Variants in PPP1R21 observed in about 807,000 individuals in gnomAD.
PPP1R21 encodes protein phosphatase 1 regulatory subunit 21.
In PPP1R21, 85 loss-of-function variants were observed where a neutral mutation model predicts 112.8. The observed-to-expected ratio is 0.75, with a 90% confidence interval of 0.63 to 0.90. The LOEUF (loss-of-function observed/expected upper bound fraction) is 0.90. Ranked by LOEUF, PPP1R21 falls within the 40% of genes least tolerant of loss-of-function variation. The probability of loss-of-function intolerance (pLI) is 0.00; values close to 1 mark genes in which losing one functional copy is unlikely to be tolerated. For missense variants in PPP1R21, 1,199 were observed against 901.5 expected (o/e 1.33, Z -4.23); for synonymous variants, 381 against 322.3 (o/e 1.18, Z -1.95).
At chr2:48,503,000 T>A (rs991893740) in intron 17 of PPP1R21, among the ~76,000 whole-genome samples, 1 of 152,150 alleles carries the variant, frequency 6.6e-6, no homozygotes, top group Non-Finnish European at 1.5e-5. Context: ...TTTCTAACTC[T>A]GTAACATTTC....
At chr2:48,468,225 G>A (rs564683356) in intron 9 of PPP1R21, among the ~76,000 whole-genome samples, 1 of 152,286 alleles carries the variant, frequency 6.6e-6, no homozygotes, top group South Asian at 2.1e-4. Flanking sequence ...GATAATACAT[G>A]TAAAGCACTA....
At position 48,469,365 on chromosome 2, in the gene PPP1R21, CATAT is replaced by C. The variant is rs1348186030; in HGVS notation, c.898-1712_898-1709del. On this transcript the variant is annotated intron_variant, in intron 9 of 21. Coordinates refer to ENST00000294952, the MANE Select transcript of PPP1R21 (RefSeq NM_001135629.3). ...ATATATATAGCATATATATATAGAG[CATAT>C]ATATATATAGCATATATATATAGAG... Among the ~76,000 whole-genome samples the C allele has an allele frequency of 5.8e-3, 216 of 37,260 alleles. 11 individuals carry two copies. Among genetic ancestry groups the C allele is most frequent in the Middle Eastern group, 0.029 (2 of 68 alleles). 24.4% of individuals were successfully genotyped at this position (37,260 alleles called of 152,430 possible).
At chr2:48,473,359 C>T (rs1668609378) in intron 11 of PPP1R21, among the ~76,000 whole-genome samples, 1 of 152,048 alleles carries the variant, frequency 6.6e-6, no homozygotes, top group African/African-American at 2.4e-5. Context: ...TTTGATTTGG[C>T]TTATGTTTAA....
chr2:48,506,944 CAAA>C (rs11314362), intron 18 of PPP1R21, among the ~76,000 whole-genome samples: 21 of 96,432 alleles, frequency 2.2e-4, no homozygotes, highest in African/African-American at 2.8e-4. Context: ...GACTCTGCCT[CAAA>C]AAAAAAAAAA....
intron 7 of PPP1R21, among the ~76,000 whole-genome samples, chr2:48,464,130 A>C (rs1245041501): frequency 6.6e-6 from 1 of 152,206 alleles, no homozygotes; most frequent in Non-Finnish European, 1.5e-5. Context: ...GAAGCAAAAC[A>C]AGCAAGGCTG....
At position 48,511,472 on chromosome 2, in the gene PPP1R21, TGTGAG is replaced by T. The variant is rs1272026696; in HGVS notation, c.2313+17_2313+21del. On this transcript the variant is annotated splice_donor_5th_base_variant and intron_variant, in intron 21 of 21. Coordinates refer to ENST00000294952, the MANE Select transcript of PPP1R21 (RefSeq NM_001135629.3). Reference sequence around the variant, plus strand: ...CACACTAAAGATGTCCAGTAAGGTATGTGAGGTGAGGTGAGGTAGTCTCTCTGCAA... The same window carrying T: ...CACACTAAAGATGTCCAGTAAGGTATGTGAGGTGAGGTAGTCTCTCTGCAA... The T allele has an allele frequency of 3.1e-6, 5 of 1,611,810 alleles. No homozygotes were observed. The highest frequency in any genetic ancestry group is 4.2e-6 in the Non-Finnish European group (5 of 1,179,410).
At chr2:48,474,089 A>G (rs1489283677) in intron 11 of PPP1R21, among the ~76,000 whole-genome samples, 1 of 152,210 alleles carries the variant, frequency 6.6e-6, no homozygotes, top group Non-Finnish European at 1.5e-5. Flanking sequence ...CATTTAGAAT[A>G]TTTAAAAATA....
At chr2:48,452,575 A>G (rs1160074545) in intron 2 of PPP1R21, among the ~76,000 whole-genome samples, 1 of 151,002 alleles carries the variant, frequency 6.6e-6, no homozygotes, top group Non-Finnish European at 1.5e-5. Context: ...TTTACTGTTT[A>G]TTACAGTAGT....
At chr2:48,486,567 G>T (rs1027902270) in intron 13 of PPP1R21, 64 bp from the exon 14 acceptor site, 1 of 1,243,130 alleles carries the variant, frequency 8.0e-7, no homozygotes, top group African/African-American at 1.5e-5. Context: ...AAGTGAATGG[G>T]CTGGTTATCT....
intron 2 of PPP1R21, among the ~76,000 whole-genome samples, chr2:48,453,587 T>G (rs1291712333): frequency 1.3e-5 from 2 of 152,228 alleles, no homozygotes; most frequent in African/African-American, 4.8e-5. Flanking sequence ...ATAGTTAGAA[T>G]AATTCTTTTA....
intron 2 of PPP1R21, among the ~76,000 whole-genome samples, chr2:48,451,436 C>G (rs766613068): frequency 1.3e-5 from 2 of 152,192 alleles, no homozygotes; most frequent in South Asian, 4.1e-4. Context: ...ATTTGAATCC[C>G]TCTCACTCAG....
At chr2:48,487,968 A>G (rs1344084944) in intron 14 of PPP1R21, among the ~76,000 whole-genome samples, 3 of 152,172 alleles carry the variant, frequency 2.0e-5, no homozygotes, top group Non-Finnish European at 1.5e-5. Context: ...ATGACTTCCA[A>G]AGGAAATGCT....
chr2:48,487,829 A>G (rs1483330709), intron 14 of PPP1R21, among the ~76,000 whole-genome samples: 1 of 151,914 alleles, frequency 6.6e-6, no homozygotes, highest in Non-Finnish European at 1.5e-5. Context: ...ATATTCTCAG[A>G]GTGTGCGTTC....
intron 11 of PPP1R21, among the ~76,000 whole-genome samples, chr2:48,474,185 C>G (rs1348324836): frequency 6.6e-6 from 1 of 151,602 alleles, no homozygotes; most frequent in Non-Finnish European, 1.5e-5. Context: ...GAGTTCGAGA[C>G]CAGCCTGACC....
intron 3 of PPP1R21, 146 bp downstream of exon 3, chr2:48,454,887 T>C (rs1667651447): frequency 1.5e-6 from 1 of 652,666 alleles, no homozygotes; most frequent in African/African-American, 1.8e-5. Flanking sequence ...CCACCCATGC[T>C]GGAGTGCTGT....
Position 48,507,285 on chromosome 2 carries a change from C to A in PPP1R21, c.1985C>A (p.Ser662Tyr). The A allele has an allele frequency of 6.5e-7, 1 of 1,544,952 alleles. No homozygotes were observed. Among genetic ancestry groups the A allele is most frequent in the Non-Finnish European group, 8.7e-7 (1 of 1,152,236 alleles). ...TCTATTTAGGTTCCAGATGTGGAAT[C>A]TCGTGAAGACTTAATTAAAAATCAC... is the stretch of plus-strand genomic sequence containing the variant. ...TSDSEVPDVE[S>Y]REDLIKNHYM... is the part of the protein sequence containing the mutation. The change falls in exon 19 of 22, where the codon TCT becomes TAT. Residue 662 changes from serine (S) to tyrosine (Y), a missense_variant. Physicochemically the swap from Ser to Tyr is moderately radical, Grantham distance 144 (BLOSUM62 -2). Coordinates refer to ENST00000294952, the MANE Select transcript of PPP1R21 (RefSeq NM_001135629.3).
chr2:48,454,356 G>A (rs1248432572), intron 2 of PPP1R21, among the ~76,000 whole-genome samples: 1 of 152,136 alleles, frequency 6.6e-6, no homozygotes, highest in Non-Finnish European at 1.5e-5. Context: ...GATGTTAGTT[G>A]ATCACGATCT....
intron 14 of PPP1R21, among the ~76,000 whole-genome samples, chr2:48,489,803 T>C (rs1347957385): frequency 6.6e-6 from 1 of 151,622 alleles, no homozygotes; most frequent in Non-Finnish European, 1.5e-5. Context: ...TCCAGCACTT[T>C]GGGAGGCTGA....
intron 14 of PPP1R21, among the ~76,000 whole-genome samples, chr2:48,490,388 C>T (rs1669510094): frequency 6.6e-6 from 1 of 152,004 alleles, no homozygotes; most frequent in African/African-American, 2.4e-5. Context: ...GATACAAAAC[C>T]ACAGAGGTAG....
Sources: allele counts gnomAD v4.1 joint callset (sites outside exome capture counted in the v4.1 genomes callset), GRCh38; gene constraint gnomAD v4.1.1; transcripts MANE v1.5; gene names NCBI Gene and HGNC (gene_info 2026-07-23, HGNC 2026-07-21).